POLRMT: variants seen among roughly 807,000 people sequenced by gnomAD.
POLRMT encodes the protein RNA polymerase mitochondrial.
In POLRMT, 114 loss-of-function variants were observed where a neutral mutation model predicts 132.2. The ratio of observed to expected loss-of-function variants is 0.86; its 90% CI spans 0.74 to 1.01. The LOEUF is 1.01. Among genes scored for constraint, POLRMT ranks in the 50% least tolerant of loss-of-function variants. The probability of loss-of-function intolerance (pLI) is 0.00; values close to 1 mark genes in which losing one functional copy is unlikely to be tolerated. For synonymous variants in POLRMT, 1,020 were observed against 773.4 expected (o/e 1.32, Z -5.29); for missense variants, 2,003 against 1,729.1 (o/e 1.16, Z -2.81).
rs781171073 is a variant in POLRMT, at chr19:625,270, A to C, written c.823-16T>G. 2 of 1,613,290 alleles carry C rather than the reference A, an allele frequency of 1.2e-6. No homozygotes were observed. Among genetic ancestry groups the C allele is most frequent in the African/African-American group, 2.7e-5 (2 of 74,934 alleles). On this transcript the variant is annotated splice_polypyrimidine_tract_variant and intron_variant, in intron 3 of 20. Transcript: ENST00000588649. ...TGAAGGCACCCTGGGAGACCAAGCC[A>C]GGGTGAGGGTCTGGGGGGATGGCCC...
chr19:619,476 C>T (rs1568375877), intron 13 of POLRMT, 110 bp downstream of exon 13: 8 of 1,466,086 alleles, frequency 5.5e-6, no homozygotes, highest in Non-Finnish European at 7.5e-6. Flanking sequence ...AGCCAGTGGT[C>T]TGGGGGAGCA....
chr19:622,886 G>T lies in POLRMT; in HGVS notation c.1390C>A (p.Arg464=), dbSNP rs775678643. The T allele has an allele frequency of 1.2e-6, 2 of 1,611,164 alleles. No individual in the cohort carries two copies. The highest frequency in any genetic ancestry group is 1.7e-6 in the Non-Finnish European group (2 of 1,179,242). ...NRLEREVYEG[R]FSLYPFLCLL... is the part of the protein sequence containing the mutation. ...CACAGGAAGGGGTAAAGTGAGAACC[G>T]GCCCTCGTACACCTCGCGCTCTAGG... Residue 464 remains arginine (R), a synonymous_variant, in exon 7 of 21, where the codon CGG becomes AGG. Transcript: ENST00000588649.
At position 621,043 on chromosome 19, in the gene POLRMT, G is replaced by A. The variant is rs757582132; in HGVS notation, c.2640+15C>T. ...GGTGCCGGGAGGGCGGGGAATGCGG[G>A]GGCCCCGCCCCTACCGTCAAGGGTT... On this transcript the variant is annotated intron_variant, in intron 10 of 20. Coordinates refer to ENST00000588649, the MANE Select transcript of POLRMT (RefSeq NM_005035.4). The A allele has an allele frequency of 1.3e-6, 2 of 1,562,658 alleles. No homozygotes were observed. Among genetic ancestry groups the A allele is most frequent in the African/African-American group, 1.6e-5 (1 of 64,200 alleles).
At chr19:618,854 G>A (rs11668261) in intron 15 of POLRMT, 94 bp from the exon 16 acceptor site, 256,360 of 1,440,426 alleles carry the variant, frequency 0.18, 24,243 homozygotes, top group South Asian at 0.31. Context: ...GGCACGCTAG[G>A]ATGGTGGCAC....
At chr19:617,395 T>A (rs1984056510) in intron 20 of POLRMT, 24 bp downstream of exon 20, 1 of 1,612,326 alleles carries the variant, frequency 6.2e-7, no homozygotes, top group Non-Finnish European at 8.5e-7. Context: ...CGAGCCACCC[T>A]TGCGAGGCTG....
intron 2 of POLRMT, among the ~76,000 whole-genome samples, chr19:632,337 G>A (rs911139190): frequency 2.6e-5 from 4 of 152,200 alleles, no homozygotes; most frequent in Non-Finnish European, 4.4e-5. Flanking sequence ...AGCAAGCACA[G>A]GGAAGCTCCC....
intron 6 of POLRMT, 89 bp from the exon 7 acceptor site, chr19:623,074 G>T: frequency 6.9e-7 from 1 of 1,451,034 alleles, no homozygotes; most frequent in Non-Finnish European, 9.3e-7. Flanking sequence ...TCCCTGCAGA[G>T]ACCTCATGGC....
At chr19:632,357 C>A (rs560498733) in intron 2 of POLRMT, among the ~76,000 whole-genome samples, 1 of 152,326 alleles carries the variant, frequency 6.6e-6, no homozygotes, top group East Asian at 1.9e-4. Context: ...CACCTCCCTC[C>A]CACACCACCA....
rs779976161 is a variant in POLRMT, at chr19:622,569, G to A, written c.1626+13C>T. The A allele has an allele frequency of 2.5e-6, 4 of 1,590,456 alleles. No individual in the cohort carries two copies. The highest frequency in any genetic ancestry group is 3.4e-6 in the Non-Finnish European group (4 of 1,168,302). ...CTGGCCCCAGCCAGGAGGAGAGGGG[G>A]TGCGAGCCTCACCTCGGCGTCGGAG... is the stretch of plus-strand genomic sequence containing the variant. On this transcript the variant is annotated intron_variant, in intron 8 of 20. Coordinates refer to ENST00000588649, the MANE Select transcript of POLRMT (RefSeq NM_005035.4).
At chr19:620,170 G>C (rs536744089) in intron 11 of POLRMT, 90 bp from the exon 12 acceptor site, 1 of 1,505,774 alleles carries the variant, frequency 6.6e-7, no homozygotes, top group Non-Finnish European at 8.9e-7. Flanking sequence ...GCCGTTCCTA[G>C]GGCCGTGCAC....
chr19:619,221 G>T lies in POLRMT; in HGVS notation c.3142C>A (p.Arg1048=), dbSNP rs567378965. The change falls in exon 14 of 21, where the codon CGG becomes AGG. Residue 1048 remains arginine (R), a synonymous_variant. Coordinates refer to ENST00000588649, the MANE Select transcript of POLRMT (RefSeq NM_005035.4). ...AGGACAGGACGTACCTGGATGGCCC[G>T]GGTCCCCGAGAACATCTCCTGTAGA... ...KSLQEMFSGT[R]AIQHWLTESA... 3.1e-6 allele frequency: 5 copies of T among 1,610,878 alleles called. No homozygotes were observed. The highest frequency in any genetic ancestry group is 2.2e-5 in the East Asian group (1 of 44,820).
At chr19:622,055 T>A in intron 9 of POLRMT, 94 bp downstream of exon 9, 1 of 1,264,714 alleles carries the variant, frequency 7.9e-7, no homozygotes, top group Middle Eastern at 2.7e-4. Context: ...ACGGCTGCGC[T>A]GAGATCAAGG....
chr19:623,370 G>C (rs973940152), intron 6 of POLRMT, 84 bp downstream of exon 6: 10 of 1,553,224 alleles, frequency 6.4e-6, no homozygotes, highest in Non-Finnish European at 8.7e-6. Flanking sequence ...CGGCGGACAC[G>C]GGACCCCGGC....
rs946902502 is a variant in POLRMT at position 620,347 on chromosome 19, C to T, written c.2763+18G>A. 1 of 1,560,138 alleles carries T rather than the reference C, an allele frequency of 6.4e-7. No individual in the cohort carries two copies. Among genetic ancestry groups the T allele is most frequent in the Non-Finnish European group, 8.7e-7 (1 of 1,153,296 alleles). The stretch of plus-strand genomic sequence containing the variant: ...GTGCACACTGCACGGCCTCGGGGGC[C>T]AGACCCAGCTGGCTCACCTGATGGA... On this transcript the variant is annotated intron_variant, in intron 11 of 20. Transcript: ENST00000588649.
chr19:633,057 G>A (rs1207452030), intron 1 of POLRMT, 119 bp from the exon 2 acceptor site: 1 of 739,500 alleles, frequency 1.4e-6, no homozygotes, highest in Non-Finnish European at 2.1e-6. Flanking sequence ...AACTCTCGGA[G>A]CACGGGCTTA....
intron 17 of POLRMT, 51 bp from the exon 18 acceptor site, chr19:617,900 C>G (rs761939486): frequency 6.5e-7 from 1 of 1,540,608 alleles, no homozygotes; most frequent in Non-Finnish European, 9.0e-7. Flanking sequence ...CAGGGCCACC[C>G]AGTGACCAGC....
At chr19:618,288 G>A (rs746637170) in intron 17 of POLRMT, 200 bp downstream of exon 17, 1 of 575,172 alleles carries the variant, frequency 1.7e-6, no homozygotes, top group Non-Finnish European at 3.1e-6. Flanking sequence ...CTCCCTGTCG[G>A]GCCACAGGAG....
intron 5 of POLRMT, 145 bp from the exon 6 acceptor site, chr19:623,748 G>C: frequency 9.6e-7 from 1 of 1,041,954 alleles, no homozygotes; most frequent in South Asian, 1.5e-5. Flanking sequence ...GGCGGGCTGC[G>C]GGTAAAGTCA....
chr19:632,343 C>CT (rs1167618117), intron 2 of POLRMT, among the ~76,000 whole-genome samples: 3 of 152,296 alleles, frequency 2.0e-5, no homozygotes, highest in East Asian at 1.9e-4. Flanking sequence ...CACAGGGAAG[C>CT]TCCCACCTCC....
Sources: gnomAD v4.1 joint callset for allele counts (sites outside exome capture counted in the v4.1 genomes callset) on GRCh38, gnomAD v4.1.1 for gene constraint, MANE v1.5 for transcripts, NCBI Gene and HGNC (gene_info 2026-07-23, HGNC 2026-07-21) for gene names.